BMERB1: variants seen among roughly 807,000 people sequenced by gnomAD.
BMERB1 encodes bMERB domain-containing protein 1.
In BMERB1, 12 loss-of-function variants were observed where a neutral mutation model predicts 23.6. The ratio of observed to expected loss-of-function variants is 0.51; its 90% CI spans 0.33 to 0.82. The LOEUF (loss-of-function observed/expected upper bound fraction) is 0.82, where lower values mean the gene tolerates loss of function less well. Among genes scored for constraint, BMERB1 ranks in the 40% least tolerant of loss-of-function variants. The pLI, the probability that BMERB1 is intolerant of heterozygous loss-of-function variation, is 0.03. For missense variants in BMERB1, 247 were observed against 255.4 expected, an observed-to-expected ratio of 0.97 and a Z score of 0.22; for synonymous variants, 122 against 96.6, an observed-to-expected ratio of 1.26 and a Z score of -1.54.
chr16:15,558,528 C>T (rs2030329864), intron 2 of BMERB1, among the ~76,000 whole-genome samples: 1 of 152,034 alleles, frequency 6.6e-6, no homozygotes, highest in South Asian at 2.1e-4. Context: ...GGCATTTGCA[C>T]AGGTTCAGTT....
intron 1 of BMERB1, among the ~76,000 whole-genome samples, chr16:15,474,757 C>G (rs931134741): frequency 6.6e-6 from 1 of 151,892 alleles, no homozygotes; most frequent in Non-Finnish European, 1.5e-5. Flanking sequence ...GGTATGATCT[C>G]AGCTCACTGC....
At chr16:15,483,604 T>C (rs2051342576) in intron 1 of BMERB1, among the ~76,000 whole-genome samples, 1 of 152,142 alleles carries the variant, frequency 6.6e-6, no homozygotes, top group Admixed American at 6.5e-5. Context: ...GGTCTCGAAC[T>C]CTTGACCTCA....
At chr16:15,463,269 A>ATATATATATATATATTTTTTTTTTTT (rs1180090455) in intron 1 of BMERB1, among the ~76,000 whole-genome samples, 3 of 148,530 alleles carry the variant, frequency 2.0e-5, no homozygotes, top group Admixed American at 6.6e-5. Flanking sequence ...ATATATATAT[A>ATATATATATATATATTTTTTTTTTTT]TTTTGTAGAG....
intron 2 of BMERB1, among the ~76,000 whole-genome samples, chr16:15,542,631 A>ATTTTTTTTTTTTTTTTTT (rs927255507): frequency 1.0e-5 from 1 of 96,866 alleles, no homozygotes. Flanking sequence ...CCTCCTAGGG[A>ATTTTTTTTTTTTTTTTTT]TTTTTTTTTT....
chr16:15,542,490 G>C (rs1268524968), intron 2 of BMERB1, among the ~76,000 whole-genome samples: 3 of 152,134 alleles, frequency 2.0e-5, no homozygotes, highest in Non-Finnish European at 4.4e-5. Flanking sequence ...GTACAATGGG[G>C]ATTGCTATGG....
chr16:15,586,898 A>G lies in BMERB1; in HGVS notation c.*69A>G. 9.6e-7 allele frequency: 1 copy of G among 1,037,736 alleles called. No homozygotes were observed. Among genetic ancestry groups the G allele is most frequent in the South Asian group, 1.6e-5 (1 of 63,056 alleles). 64.3% of individuals were successfully genotyped at this position (1,037,736 alleles called of 1,614,324 possible). On this transcript the variant is annotated 3_prime_UTR_variant, in exon 6 of 6. Transcript: ENST00000300006. ...CTCTTGTCTTTATAGCCCCCATTTC[A>G]CCGGGGCCCAAGAGCTCTCCAAGGC...
At chr16:15,577,674 G>A (rs1475617977) in intron 3 of BMERB1, among the ~76,000 whole-genome samples, 2 of 150,456 alleles carry the variant, frequency 1.3e-5, no homozygotes, top group African/African-American at 5.0e-5. Flanking sequence ...GCATATTCCA[G>A]GGTTTTATGT....
At chr16:15,522,735 G>A (rs1007672648) in intron 2 of BMERB1, among the ~76,000 whole-genome samples, 3 of 152,052 alleles carry the variant, frequency 2.0e-5, no homozygotes, top group African/African-American at 2.4e-5. Flanking sequence ...GGAGTGGCTC[G>A]CTTCTTCAGT....
intron 2 of BMERB1, among the ~76,000 whole-genome samples, chr16:15,564,188 C>T (rs1299329174): frequency 1.3e-5 from 2 of 152,204 alleles, no homozygotes; most frequent in Non-Finnish European, 2.9e-5. Context: ...ATTATTTCCT[C>T]TTCATTAAAG....
intron 1 of BMERB1, among the ~76,000 whole-genome samples, chr16:15,487,061 G>A (rs552254312): frequency 6.6e-6 from 1 of 152,286 alleles, no homozygotes; most frequent in East Asian, 1.9e-4. Flanking sequence ...TATAGAAGAT[G>A]TTTAAAAGGG....
intron 1 of BMERB1, among the ~76,000 whole-genome samples, chr16:15,455,216 C>T (rs2051075063): frequency 6.6e-6 from 1 of 150,698 alleles, no homozygotes; most frequent in Non-Finnish European, 1.5e-5. Context: ...CCCAGCTACT[C>T]AGGAGGCTGA....
intron 2 of BMERB1, among the ~76,000 whole-genome samples, chr16:15,531,148 C>A (rs1004879086): frequency 1.3e-5 from 2 of 151,980 alleles, no homozygotes; most frequent in Non-Finnish European, 2.9e-5. Context: ...ACCTCGTGAT[C>A]CGCCCACCTC....
chr16:15,455,853 C>T (rs1051694564), intron 1 of BMERB1, among the ~76,000 whole-genome samples: 17 of 152,182 alleles, frequency 1.1e-4, no homozygotes, highest in African/African-American at 3.6e-4. Flanking sequence ...AACCTGTACT[C>T]GGAAGCCAGG....
intron 1 of BMERB1, among the ~76,000 whole-genome samples, chr16:15,494,877 CTT>C (rs754135430): frequency 1.1e-3 from 105 of 95,158 alleles, no homozygotes; most frequent in South Asian, 1.7e-3. Context: ...TTTTTTTTAT[CTT>C]TTTTTTTTTT....
intron 3 of BMERB1, among the ~76,000 whole-genome samples, chr16:15,572,956 C>A (rs546607502): frequency 6.6e-6 from 1 of 152,156 alleles, no homozygotes; most frequent in Non-Finnish European, 1.5e-5. Context: ...CCAAGTAAGA[C>A]GTGCCTTTTG....
At chr16:15,535,162 C>A (rs1374480972) in intron 2 of BMERB1, among the ~76,000 whole-genome samples, 1 of 151,768 alleles carries the variant, frequency 6.6e-6, no homozygotes, top group Admixed American at 6.6e-5. Flanking sequence ...CCAGCTTGGG[C>A]AACATAGCAA....
intron 3 of BMERB1, among the ~76,000 whole-genome samples, chr16:15,580,091 C>G (rs925691051): frequency 8.0e-5 from 12 of 149,878 alleles, no homozygotes; most frequent in Non-Finnish European, 3.0e-5. Flanking sequence ...ACCCTGCCCT[C>G]TCAATTTTTT....
chr16:15,508,008 G>C (rs114604389), intron 1 of BMERB1, among the ~76,000 whole-genome samples: 4 of 152,130 alleles, frequency 2.6e-5, no homozygotes, highest in Non-Finnish European at 4.4e-5. Flanking sequence ...TGGTACTTAC[G>C]TAGGGAGGTA....
At chr16:15,493,433 A>G (rs1346327834) in intron 1 of BMERB1, among the ~76,000 whole-genome samples, 1 of 152,176 alleles carries the variant, frequency 6.6e-6, no homozygotes, top group Non-Finnish European at 1.5e-5. Flanking sequence ...AAACAAGGAA[A>G]TCTGAACAGA....
Sources: allele counts gnomAD v4.1 joint callset (sites outside exome capture counted in the v4.1 genomes callset), GRCh38; gene constraint gnomAD v4.1.1; transcripts MANE v1.5; gene names NCBI Gene and HGNC (gene_info 2026-07-23, HGNC 2026-07-21).